The following MTUS2 variants were observed in gnomAD, a reference collection of about 807,000 sequenced individuals.
MTUS2 encodes microtubule-associated tumor suppressor candidate 2.
A neutral mutation model predicts 114.1 loss-of-function variants in MTUS2; 40 were observed. The ratio of observed to expected loss-of-function variants is 0.35; its 90% confidence interval spans 0.27 to 0.46. MTUS2 has a LOEUF of 0.46. MTUS2 is among the 20% of genes least tolerant of loss of function. The pLI is 1.00. For missense variants in MTUS2, 1,679 were observed against 1,705.4 expected, an observed-to-expected ratio of 0.98 and a Z score of 0.27; for synonymous variants, 688 against 672.0, an observed-to-expected ratio of 1.02 and a Z score of -0.37.
chr13:29,432,049 C>G (rs949243850), intron 8 of MTUS2, among the ~76,000 whole-genome samples: 1 of 141,028 alleles, frequency 7.1e-6, no homozygotes, highest in Admixed American at 7.3e-5. Flanking sequence ...GCTGGGGTCT[C>G]GCTATATTGC....
intron 4 of MTUS2, among the ~76,000 whole-genome samples, chr13:29,084,744 G>A (rs900335255): frequency 6.7e-6 from 1 of 148,816 alleles, no homozygotes; most frequent in African/African-American, 2.5e-5. Context: ...CACCATGTTG[G>A]CCAGGCTGGT....
At position 29,025,913 on chromosome 13, in the gene MTUS2, G is replaced by T. The variant is rs1441769205; in HGVS notation, c.1215G>T (p.Gly405=). 2 of 1,613,636 alleles carry T rather than the reference G, an allele frequency of 1.2e-6. No individual in the cohort carries two copies. The highest frequency in any genetic ancestry group is 3.3e-5 in the Admixed American group (2 of 59,966). ...TPKQGSASLG[G]ADNQPTGKIS... ...AACAGGGCTCTGCTTCCTTAGGAGG[G>T]GCTGATAATCAGCCCACTGGCAAAA... Residue 405 remains glycine, a synonymous_variant, in exon 3 of 16, where the codon GGG becomes GGT. Coordinates refer to ENST00000612955, the MANE Select transcript of MTUS2 (RefSeq NM_001033602.4).
intron 12 of MTUS2, among the ~76,000 whole-genome samples, chr13:29,495,141 G>C (rs1407047269): frequency 7.7e-6 from 1 of 130,110 alleles, no homozygotes; most frequent in African/African-American, 3.0e-5. Flanking sequence ...CCGTGATCGC[G>C]CCACTGCACT....
chr13:29,430,194 A>G (rs1004636118), intron 8 of MTUS2, among the ~76,000 whole-genome samples: 6 of 152,222 alleles, frequency 3.9e-5, no homozygotes, highest in Non-Finnish European at 5.9e-5. Context: ...GATTTGCTAC[A>G]TGTAAAACAG....
intron 6 of MTUS2, 41 bp downstream of exon 6, chr13:29,281,906 C>G: frequency 6.6e-7 from 1 of 1,522,660 alleles, no homozygotes; most frequent in Non-Finnish European, 8.8e-7. Flanking sequence ...GGTGGAGTGC[C>G]CTTTCTGCAT....
At chr13:29,309,827 G>A (rs1899669054) in intron 6 of MTUS2, among the ~76,000 whole-genome samples, 1 of 152,080 alleles carries the variant, frequency 6.6e-6, no homozygotes, top group Non-Finnish European at 1.5e-5. Flanking sequence ...TACATGCCAT[G>A]TTTTGATACA....
intron 5 of MTUS2, among the ~76,000 whole-genome samples, chr13:29,128,905 A>G (rs999143538): frequency 6.6e-6 from 1 of 152,218 alleles, no homozygotes; most frequent in Non-Finnish European, 1.5e-5. Context: ...ATAAAAAATA[A>G]GATAATGAGG....
In MTUS2 at chr13:29,026,627, GATC is replaced by G; in HGVS notation, c.1934_1936del (p.Ile645del). 1.2e-6 allele frequency: 2 copies of G among 1,613,994 alleles called. No homozygotes were observed. Among genetic ancestry groups the G allele is most frequent in the Non-Finnish European group, 1.7e-6 (2 of 1,179,862 alleles). The stretch of plus-strand genomic sequence containing the variant: ...CCAAGCCCAAGCATGTGAGGCCCAA[GATC>G]ATCACCTACATCAGGAGGAATCCCC... On this transcript the variant is annotated inframe_deletion, in exon 3 of 16. Transcript: ENST00000612955.
rs572666883 is a variant in MTUS2 at position 29,382,496 on chromosome 13, C to T, written c.3117+23023C>T. Among the ~76,000 whole-genome samples the T allele has an allele frequency of 2.0e-5, 3 of 152,216 alleles. No homozygotes were observed. In the South Asian group the frequency reaches 6.2e-4, roughly 32 times the overall value. ...TAAGTAGGGAGTAGAGAAAAGGTAG[C>T]TACAAAGGATGAGGTCTAGGTCTTT... On this transcript the variant is annotated intron_variant, in intron 8 of 15. Coordinates refer to ENST00000612955, the MANE Select transcript of MTUS2 (RefSeq NM_001033602.4).
chr13:29,360,914 A>T (rs1309519982), intron 8 of MTUS2, among the ~76,000 whole-genome samples: 1 of 152,202 alleles, frequency 6.6e-6, no homozygotes, highest in Non-Finnish European at 1.5e-5. Context: ...CCTTCCAGAC[A>T]TCATCCAAAG....
At chr13:29,441,307 A>AT (rs1366325653) in intron 9 of MTUS2, among the ~76,000 whole-genome samples, 1 of 152,152 alleles carries the variant, frequency 6.6e-6, no homozygotes, top group African/African-American at 2.4e-5. Flanking sequence ...CATGGGAGCC[A>AT]TATGTGACCT....
At chr13:28,931,606 C>T (rs766782908) in intron 2 of MTUS2, among the ~76,000 whole-genome samples, 23 of 152,140 alleles carry the variant, frequency 1.5e-4, no homozygotes, top group African/African-American at 4.6e-4. Flanking sequence ...ATAAATTCCT[C>T]GGTCTCCAGA....
At chr13:29,448,914 C>T (rs1319583347) in intron 9 of MTUS2, among the ~76,000 whole-genome samples, 2 of 151,832 alleles carry the variant, frequency 1.3e-5, no homozygotes, top group South Asian at 2.1e-4. Flanking sequence ...CCACCACGCC[C>T]GGCTAGTTTT....
chr13:29,451,988 G>C (rs1248384132), intron 9 of MTUS2, among the ~76,000 whole-genome samples: 1 of 152,162 alleles, frequency 6.6e-6, no homozygotes, highest in East Asian at 1.9e-4. Flanking sequence ...GGAATTACCT[G>C]CCCCTCTTAT....
At position 29,501,150 on chromosome 13, in the gene MTUS2, C is replaced by G. The variant is rs767874375; in HGVS notation, c.3852C>G (p.Asn1284Lys). The change falls in exon 15 of 16, where the codon AAC becomes AAG. Residue 1284 changes from asparagine to lysine, a missense_variant. Asn to Lys is a moderately conservative substitution (Grantham distance 94, BLOSUM62 0). Coordinates refer to ENST00000612955, the MANE Select transcript of MTUS2 (RefSeq NM_001033602.4). ...AGATCCAGGTTCTCCAACAGCAGAACGAAGACCTCAAAGCAAGGATTGACC... is the reference window on the plus strand; with the variant it reads ...AGATCCAGGTTCTCCAACAGCAGAAGGAAGACCTCAAAGCAAGGATTGACC... ...EEKIQVLQQQ[N>K]EDLKARIDQN... is the part of the protein sequence containing the mutation. 6.2e-7 allele frequency: 1 copy of G among 1,614,146 alleles called. No individual in the cohort carries two copies.
intron 9 of MTUS2, among the ~76,000 whole-genome samples, chr13:29,455,035 G>A (rs750075575): frequency 6.6e-6 from 1 of 152,214 alleles, no homozygotes; most frequent in Non-Finnish European, 1.5e-5. Context: ...CACATGAAAT[G>A]AGTCAGCTTA....
At chr13:29,268,887 C>T (rs1897770853) in intron 5 of MTUS2, among the ~76,000 whole-genome samples, 1 of 152,052 alleles carries the variant, frequency 6.6e-6, no homozygotes, top group African/African-American at 2.4e-5. Flanking sequence ...ACCACCATGC[C>T]CAGCTTTTTA....
At chr13:28,954,440 G>A (rs2138187206) in intron 2 of MTUS2, among the ~76,000 whole-genome samples, 1 of 152,254 alleles carries the variant, frequency 6.6e-6, no homozygotes, top group Admixed American at 6.5e-5. Context: ...CCTTCCATTA[G>A]TTTCTTCTCT....
chr13:29,450,163 G>A (rs1475308956), intron 9 of MTUS2, among the ~76,000 whole-genome samples: 1 of 152,180 alleles, frequency 6.6e-6, no homozygotes, highest in East Asian at 1.9e-4. Context: ...GAAGTGTCCA[G>A]GAACTGCACT....
Sources: allele counts gnomAD v4.1 joint callset (sites outside exome capture counted in the v4.1 genomes callset), GRCh38; gene constraint gnomAD v4.1.1; transcripts MANE v1.5; gene names NCBI Gene and HGNC (gene_info 2026-07-23, HGNC 2026-07-21).